Variants in GNAI3 observed in about 807,000 individuals in gnomAD.
GNAI3 encodes the protein G protein subunit alpha i3, also known as guanine nucleotide-binding protein G(i) subunit alpha-3.
A neutral mutation model predicts 41.8 loss-of-function variants in GNAI3; 12 were observed. The ratio of observed to expected loss-of-function variants is 0.29; its 90% CI spans 0.18 to 0.47. The LOEUF is 0.47. Ranked by LOEUF, GNAI3 falls within the 20% of genes least tolerant of loss-of-function variation. The pLI, the probability that GNAI3 is intolerant of heterozygous loss-of-function variation, is 1.00. For synonymous variants in GNAI3, 132 were observed against 146.5 expected (o/e 0.90, Z 0.71); for missense variants, 360 against 429.6 (o/e 0.84, Z 1.43).
chr1:109,583,018 CT>C (rs1648933395), intron 5 of GNAI3, among the ~76,000 whole-genome samples: 1 of 151,982 alleles, frequency 6.6e-6, no homozygotes, highest in East Asian at 1.9e-4. Flanking sequence ...AGTGTCACTT[CT>C]TATTGGTTTG....
At chr1:109,549,923 A>C (rs1647939358) in intron 1 of GNAI3, among the ~76,000 whole-genome samples, 1 of 152,208 alleles carries the variant, frequency 6.6e-6, no homozygotes, top group Non-Finnish European at 1.5e-5. Flanking sequence ...GCATTAGCTT[A>C]CTAATAAATC....
intron 5 of GNAI3, among the ~76,000 whole-genome samples, chr1:109,583,847 T>C (rs1033178634): frequency 2.6e-5 from 4 of 151,774 alleles, no homozygotes; most frequent in Non-Finnish European, 5.9e-5. Flanking sequence ...CACCTTGGCC[T>C]CCCAAAGTGC....
At chr1:109,578,226 T>A (rs1648799037) in intron 3 of GNAI3, among the ~76,000 whole-genome samples, 1 of 151,968 alleles carries the variant, frequency 6.6e-6, no homozygotes, top group East Asian at 1.9e-4. Flanking sequence ...ATCCCAGCAC[T>A]TTGGGAGGCT....
chr1:109,583,157 G>T (rs1307008107), intron 5 of GNAI3, among the ~76,000 whole-genome samples: 1 of 152,104 alleles, frequency 6.6e-6, no homozygotes, highest in African/African-American at 2.4e-5. Context: ...GGGGATAGAG[G>T]TATTTTGGGT....
chr1:109,585,715 T>C (rs548649726), intron 5 of GNAI3, among the ~76,000 whole-genome samples: 14 of 152,266 alleles, frequency 9.2e-5, no homozygotes, highest in African/African-American at 3.1e-4. Flanking sequence ...TCATTTAACA[T>C]TGAATGTGCC....
Position 109,557,478 on chromosome 1 carries a change from A to G in GNAI3, c.118+8640A>G, listed in dbSNP as rs147133683. 5.1e-3 allele frequency among the ~76,000 whole-genome samples: 777 copies of G among 152,302 alleles called. 8 individuals are homozygous for G. The highest frequency in any genetic ancestry group is 5.6e-3 in the Non-Finnish European group (380 of 68,016). On this transcript the variant is annotated intron_variant, in intron 1 of 8. Transcript: ENST00000369851. ...CATAAGGAATAGGAACACCACTCATACAAGTCACAAGTAAAAGAGAGGTAT... is the reference window on the plus strand; with the variant it reads ...CATAAGGAATAGGAACACCACTCATGCAAGTCACAAGTAAAAGAGAGGTAT...
At chr1:109,587,726 A>G (rs551916856) in intron 7 of GNAI3, among the ~76,000 whole-genome samples, 1 of 152,302 alleles carries the variant, frequency 6.6e-6, no homozygotes, top group East Asian at 1.9e-4. Context: ...TTAATATCCT[A>G]CCATGATCCA....
At chr1:109,583,990 G>A (rs1648962260) in intron 5 of GNAI3, among the ~76,000 whole-genome samples, 1 of 152,096 alleles carries the variant, frequency 6.6e-6, no homozygotes, top group Non-Finnish European at 1.5e-5. Flanking sequence ...CTTCTTTTGT[G>A]ACCTTTGAGA....
intron 3 of GNAI3, among the ~76,000 whole-genome samples, chr1:109,575,475 T>C (rs1275537414): frequency 6.6e-6 from 1 of 150,682 alleles, no homozygotes; most frequent in Non-Finnish European, 1.5e-5. Flanking sequence ...TCTCTTTCCC[T>C]CTTTAATTTT....
intron 1 of GNAI3, among the ~76,000 whole-genome samples, chr1:109,573,084 T>C (rs1243730839): frequency 1.3e-5 from 2 of 152,110 alleles, no homozygotes; most frequent in African/African-American, 4.8e-5. Flanking sequence ...TGGTGTGATA[T>C]AGGCATCTTG....
intron 3 of GNAI3, among the ~76,000 whole-genome samples, chr1:109,576,590 C>T (rs1013392657): frequency 1.3e-5 from 2 of 151,806 alleles, no homozygotes. Context: ...GTGACCTTGG[C>T]TCACCGCAAC....
At chr1:109,575,774 C>T (rs1648725271) in intron 3 of GNAI3, among the ~76,000 whole-genome samples, 1 of 152,024 alleles carries the variant, frequency 6.6e-6, no homozygotes, top group Non-Finnish European at 1.5e-5. Flanking sequence ...TTGTGATCCG[C>T]CCGCCTCGGC....
At chr1:109,565,483 G>A (rs1373709075) in intron 1 of GNAI3, among the ~76,000 whole-genome samples, 1 of 152,060 alleles carries the variant, frequency 6.6e-6, no homozygotes, top group African/African-American at 2.4e-5. Context: ...AAGAGTGGGT[G>A]TGAGGCTGAA....
intron 1 of GNAI3, among the ~76,000 whole-genome samples, chr1:109,557,347 A>G (rs1648182540): frequency 6.6e-6 from 1 of 152,154 alleles, no homozygotes; most frequent in South Asian, 2.1e-4. Context: ...GGTTATTTAT[A>G]TACTTACCTG....
chr1:109,567,542 ATATAT>A (rs1421816909), intron 1 of GNAI3, among the ~76,000 whole-genome samples: 2 of 152,300 alleles, frequency 1.3e-5, no homozygotes, highest in East Asian at 1.9e-4. Context: ...TAATGCTCTG[ATATAT>A]TATAGTTTGC....
At chr1:109,567,198 G>A (rs1247457231) in intron 1 of GNAI3, among the ~76,000 whole-genome samples, 1 of 152,126 alleles carries the variant, frequency 6.6e-6, no homozygotes, top group African/African-American at 2.4e-5. Context: ...CTGACTAAAA[G>A]GTTATCTAAA....
At chr1:109,568,954 A>G (rs773302183) in intron 1 of GNAI3, among the ~76,000 whole-genome samples, 12 of 152,122 alleles carry the variant, frequency 7.9e-5, no homozygotes, top group African/African-American at 2.9e-4. Flanking sequence ...GGCCTCCCAG[A>G]GTGATGGGAT....
At chr1:109,562,387 A>C (rs956250020) in intron 1 of GNAI3, among the ~76,000 whole-genome samples, 2 of 151,884 alleles carry the variant, frequency 1.3e-5, no homozygotes, top group African/African-American at 4.8e-5. Context: ...TTGGTATCCT[A>C]GGGGGGGTCC....
rs1209551048 is a variant in GNAI3, at chr1:109,594,160, C to T, written c.*1838C>T. 6.6e-6 allele frequency: 1 copy of T among 152,348 alleles called. No homozygotes were observed. The highest frequency in any genetic ancestry group is 1.5e-5 in the Non-Finnish European group (1 of 68,010). 9.4% of individuals were successfully genotyped at this position (152,348 alleles called of 1,614,324 possible). ...CTTCAATTGGCGATTGATTCAGTGC[C>T]CACAATGTAAACAGGGTTGGTAGTT... On this transcript the variant is annotated 3_prime_UTR_variant, in exon 9 of 9. Transcript: ENST00000369851.
Sources: allele counts gnomAD v4.1 joint callset (sites outside exome capture counted in the v4.1 genomes callset), GRCh38; gene constraint gnomAD v4.1.1; transcripts MANE v1.5; gene names NCBI Gene and HGNC (gene_info 2026-07-23, HGNC 2026-07-21).